Variants in SRCAP observed in about 807,000 individuals in gnomAD.
SRCAP encodes chromatin remodeling protein SRCAP.
Under a neutral mutation model 263.1 loss-of-function variants are expected in SRCAP, and 46 were observed. That is an observed-to-expected ratio of 0.17 (90% CI 0.14 to 0.22). The LOEUF (loss-of-function observed/expected upper bound fraction) is 0.22, where lower values mean the gene tolerates loss of function less well. Among genes scored for constraint, SRCAP ranks in the 10% least tolerant of loss-of-function variants. SRCAP has a pLI of 1.00. For missense variants in SRCAP, 3,695 were observed against 4,181.9 expected, an observed-to-expected ratio of 0.88 and a Z score of 3.21; for synonymous variants, 1,813 against 1,662.1, an observed-to-expected ratio of 1.09 and a Z score of -2.21.
At position 30,738,367 on chromosome 16, in the gene SRCAP, C is replaced by T. The variant is rs1382380473; in HGVS notation, c.8327C>T (p.Thr2776Ile). The T allele has an allele frequency of 2.6e-6, 4 of 1,563,210 alleles. No individual in the cohort carries two copies. The highest frequency in any genetic ancestry group is 4.5e-5 in the East Asian group (2 of 44,520). Residue 2776 changes from threonine to isoleucine, a missense_variant, in exon 34 of 34, where the codon ACC (threonine) becomes ATC (isoleucine). By Grantham distance (89) the Thr-to-Ile change is moderately conservative (BLOSUM62 -1). Around this residue, in one of 12 missense-constraint regions of SRCAP, gnomAD observed 1,207 missense variants for 1,142.9 expected, o/e 1.06. Coordinates refer to ENST00000262518, the MANE Select transcript of SRCAP (RefSeq NM_006662.3). ...CGGCAGCAGCGGGGAGCTGCCAGCA[C>T]CCTAGTGCCTGGGGTCTCTGAGACT... Reference protein sequence around the residue: ...RRRQQRGAASTLVPGVSETSA... With the variant: ...RRRQQRGAASILVPGVSETSA...
chr16:30,739,129 C>A lies in SRCAP; in HGVS notation c.9089C>A (p.Thr3030Asn). The A allele has an allele frequency of 1.2e-6, 2 of 1,614,212 alleles. No homozygotes were observed. Among genetic ancestry groups the A allele is most frequent in the Non-Finnish European group, 1.7e-6 (2 of 1,180,042 alleles). Residue 3030 changes from threonine (T) to asparagine (N), a missense_variant, in exon 34 of 34, where the codon ACT becomes AAT. By Grantham distance (65) the Thr-to-Asn change is moderately conservative (BLOSUM62 0). This residue lies in a region of SRCAP where 1,207 missense variants were observed against 1,142.9 expected (regional missense o/e 1.06). Coordinates refer to ENST00000262518, the MANE Select transcript of SRCAP (RefSeq NM_006662.3). ...CTCCCCGTCTTGGACCGTGACAGCA[C>A]TTCTGTTCTCGAGAGCTGTGGATTG... is the stretch of plus-strand genomic sequence containing the variant. ...SQLPVLDRDS[T>N]SVLESCGLGR...
chr16:30,709,029 G>C (rs1392330951), intron 6 of SRCAP, among the ~76,000 whole-genome samples: 1 of 152,106 alleles, frequency 6.6e-6, no homozygotes, highest in Non-Finnish European at 1.5e-5. Context: ...ATGTCGGTCA[G>C]GCTGGTCTCG....
rs931563363 is a variant in SRCAP at position 30,739,855 on chromosome 16, C to T, written c.*122C>T. The T allele has an allele frequency of 9.4e-6, 13 of 1,384,120 alleles. No individual in the cohort carries two copies. The highest frequency in any genetic ancestry group is 1.7e-5 in the South Asian group (1 of 57,372). The allele number at this position is 1,384,120 out of a possible 1,614,324, so 85.7% of individuals were successfully genotyped here. On this transcript the variant is annotated 3_prime_UTR_variant, in exon 34 of 34. Coordinates refer to ENST00000262518, the MANE Select transcript of SRCAP (RefSeq NM_006662.3). ...GCCTCCAGGGAGACATAGGGGCCTT[C>T]TCCCTTCTTCCCACCAAAGTAGGGG...
Position 30,737,550 on chromosome 16 carries a change from G to A in SRCAP, c.7510G>A (p.Ala2504Thr). Residue 2504 changes from alanine (A) to threonine (T), a missense_variant, in exon 34 of 34, where the codon GCC becomes ACC. Ala to Thr is a moderately conservative substitution (Grantham distance 58). Transcript: ENST00000262518. Reference protein sequence around the residue: ...CSSPACTPPPACTPPPAHTPP... With the variant: ...CSSPACTPPPTCTPPPAHTPP... ...TTCTCCTGCCTGCACCCCTCCTCCT[G>A]CCTGTACCCCTCCACCAGCTCATAC... 1.2e-6 allele frequency: 2 copies of A among 1,612,950 alleles called. No individual in the cohort carries two copies. The highest frequency in any genetic ancestry group is 8.5e-7 in the Non-Finnish European group (1 of 1,179,214).
At chr16:30,710,471 A>G (rs1453392424) in intron 8 of SRCAP, 1 of 724,416 alleles carries the variant, frequency 1.4e-6, no homozygotes, top group African/African-American at 1.7e-5. Context: ...TGGTACCCTT[A>G]AGTCTTTTCT....
chr16:30,716,538 A>G, intron 18 of SRCAP, 59 bp downstream of exon 18: 1 of 1,496,400 alleles, frequency 6.7e-7, no homozygotes, highest in Non-Finnish European at 9.0e-7. Context: ...CCAACCATGT[A>G]CCTCTTTTCG....
At position 30,711,753 on chromosome 16, in the gene SRCAP, G is replaced by A. The variant is rs1472787439; in HGVS notation, c.1492+9G>A. On this transcript the variant is annotated intron_variant, in intron 11 of 33. Coordinates refer to ENST00000262518, the MANE Select transcript of SRCAP (RefSeq NM_006662.3). ...TAGTAGCAGTCAGTCAGGTGAATAT[G>A]TGGTCATGAAGCAGGAGCTGGGGAG... 1.2e-6 allele frequency: 2 copies of A among 1,611,766 alleles called. No homozygotes were observed. The highest frequency in any genetic ancestry group is 2.2e-5 in the East Asian group (1 of 44,832).
At chr16:30,729,920 AC>A (rs1335448397) in intron 27 of SRCAP, among the ~76,000 whole-genome samples, 1 of 152,134 alleles carries the variant, frequency 6.6e-6, no homozygotes, top group African/African-American at 2.4e-5. Flanking sequence ...GACATACGCC[AC>A]CATGCCTGGC....
Position 30,712,097 on chromosome 16 carries a change from T to A in SRCAP, c.1755T>A (p.Thr585=). 6.2e-7 allele frequency: 1 copy of A among 1,614,160 alleles called. No homozygotes were observed. The highest frequency in any genetic ancestry group is 8.5e-7 in the Non-Finnish European group (1 of 1,180,038). ...PTTLGPKKEI[T]DIAAAAESLQ... ...CTCTAGGTCCAAAGAAAGAAATTACTGACATTGCTGCAGCAGCTGAAAGTC... is the reference window on the plus strand; with the variant it reads ...CTCTAGGTCCAAAGAAAGAAATTACAGACATTGCTGCAGCAGCTGAAAGTC... The change falls in exon 12 of 34, where the codon ACT becomes ACA. Residue 585 remains threonine (T), a synonymous_variant. Transcript: ENST00000262518.
At chr16:30,706,670 CAG>C (rs1400947481) in intron 4 of SRCAP, among the ~76,000 whole-genome samples, 1 of 152,116 alleles carries the variant, frequency 6.6e-6, no homozygotes, top group Non-Finnish European at 1.5e-5. Context: ...TTAAAAACAA[CAG>C]TGTGTCAGTT....
intron 31 of SRCAP, among the ~76,000 whole-genome samples, chr16:30,735,660 A>G (rs897046665): frequency 1.5e-5 from 2 of 135,986 alleles, no homozygotes; most frequent in Non-Finnish European, 3.0e-5. Flanking sequence ...GGCTCACTAC[A>G]GCCTCCACCT....
At chr16:30,711,136 T>C (rs974670013) in intron 10 of SRCAP, 48 bp downstream of exon 10, 1 of 1,432,174 alleles carries the variant, frequency 7.0e-7, no homozygotes, top group Non-Finnish European at 9.7e-7. Context: ...GTGTCTGCGG[T>C]GTGCAGTACC....
At position 30,723,753 on chromosome 16, in the gene SRCAP, C is replaced by T. The variant is rs776807869; in HGVS notation, c.4329C>T (p.Val1443=). ...TGTCATCTTCACTCCCCATCTCTGTCCCCACCACACTTCCTGCCCCAGCCT... is the reference window on the plus strand; with the variant it reads ...TGTCATCTTCACTCCCCATCTCTGTTCCCACCACACTTCCTGCCCCAGCCT... The part of the protein sequence containing the change: ...VPLSSSLPIS[V]PTTLPAPASA... The change falls in exon 25 of 34, where the codon GTC becomes GTT. Residue 1443 remains valine (V), a synonymous_variant. Coordinates refer to ENST00000262518, the MANE Select transcript of SRCAP (RefSeq NM_006662.3). 10 of 1,614,068 alleles carry T rather than the reference C, an allele frequency of 6.2e-6. No homozygotes were observed. The highest frequency in any genetic ancestry group is 8.5e-6 in the Non-Finnish European group (10 of 1,179,988).
rs752409935 is a variant in SRCAP at position 30,737,801 on chromosome 16, A to G, written c.7761A>G (p.Pro2587=). The G allele has an allele frequency of 1.2e-6, 2 of 1,614,170 alleles. No individual in the cohort carries two copies. The highest frequency in any genetic ancestry group is 1.7e-5 in the Admixed American group (1 of 60,018). The change falls in exon 34 of 34, where the codon CCA becomes CCG. Residue 2587 remains proline, a synonymous_variant. Transcript: ENST00000262518. ...TTGTGCCCCCTAAAGATCTGTTGCC[A>G]GTTGCTGTGGAGATCCTGCCTGTGT... ...LSLVPPKDLL[P]VAVEILPVSE... is the part of the protein sequence containing the mutation.
chr16:30,702,390 G>T (rs934004012), intron 3 of SRCAP, among the ~76,000 whole-genome samples: 2 of 151,318 alleles, frequency 1.3e-5, no homozygotes, highest in Non-Finnish European at 2.9e-5. Flanking sequence ...CCGCCACCAC[G>T]CCCAGCTAAT....
In SRCAP at chr16:30,739,526, C is replaced by G. The variant is rs1158367840; in HGVS notation, c.9486C>G (p.Pro3162=). The part of the protein sequence containing the change: ...AKRGRLQPPS[P]LGPEGSVEES... ...GGGGCCGCCTACAGCCCCCAAGTCC[C>G]CTGGGGCCTGAGGGTTCAGTAGAGG... is the stretch of plus-strand genomic sequence containing the variant. Residue 3162 remains proline (P), a synonymous_variant, in exon 34 of 34, where the codon CCC becomes CCG. Transcript: ENST00000262518. 3 of 1,612,056 alleles carry G rather than the reference C, an allele frequency of 1.9e-6. No individual in the cohort carries two copies. Among genetic ancestry groups the G allele is most frequent in the Non-Finnish European group, 2.5e-6 (3 of 1,179,172 alleles).
chr16:30,704,401 C>T lies in SRCAP; in HGVS notation c.306+86C>T. On this transcript the variant is annotated intron_variant, in intron 4 of 33. Coordinates refer to ENST00000262518, the MANE Select transcript of SRCAP (RefSeq NM_006662.3). The stretch of plus-strand genomic sequence containing the variant: ...CTCTTGAGTATTTTATGTTTCTTTT[C>T]TTTTTTGTCATGGATTTAGGGTATA... 2.7e-6 allele frequency: 4 copies of T among 1,487,008 alleles called. No homozygotes were observed. The South Asian group carries it at 5.5e-5, about 20-fold the overall frequency. The allele number at this position is 1,487,008 out of a possible 1,614,324, so 92.1% of individuals were successfully genotyped here.
chr16:30,737,723 A>T lies in SRCAP; in HGVS notation c.7683A>T (p.Pro2561=). Residue 2561 remains proline (P), a synonymous_variant, in exon 34 of 34, where the codon CCA becomes CCT. Coordinates refer to ENST00000262518, the MANE Select transcript of SRCAP (RefSeq NM_006662.3). The part of the protein sequence containing the change: ...AELCAQALAS[P]ESLELASVAS... ...TGTGTGCCCAGGCATTGGCATCTCC[A>T]GAGTCCCTGGAGCTGGCTTCTGTGG... The T allele has an allele frequency of 6.2e-7, 1 of 1,614,200 alleles. No homozygotes were observed. Among genetic ancestry groups the T allele is most frequent in the Non-Finnish European group, 8.5e-7 (1 of 1,180,036 alleles).
chr16:30,732,606 C>T (rs2053124121), intron 27 of SRCAP, among the ~76,000 whole-genome samples: 1 of 152,224 alleles, frequency 6.6e-6, no homozygotes. Context: ...TGTCTGTAAG[C>T]TGTGACCATG....
Sources: allele counts gnomAD v4.1 joint callset (sites outside exome capture counted in the v4.1 genomes callset), GRCh38; gene constraint gnomAD v4.1.1; regional missense constraint gnomAD v4.1.1; transcripts MANE v1.5; gene names NCBI Gene and HGNC (gene_info 2026-07-23, HGNC 2026-07-21).